The following DOK6 variants were observed in gnomAD, a reference collection of about 807,000 sequenced individuals.
DOK6 encodes downstream of tyrosine kinase 6.
Under a neutral mutation model 44.0 loss-of-function variants are expected in DOK6, and 22 were observed. The ratio of observed to expected loss-of-function variants is 0.50; its 90% confidence interval spans 0.36 to 0.71. DOK6 has a LOEUF of 0.71. Ranked by LOEUF, DOK6 falls within the 30% of genes least tolerant of loss-of-function variation. The pLI is 0.00. For synonymous variants in DOK6, 166 were observed against 145.5 expected, an observed-to-expected ratio of 1.14 and a Z score of -1.01; for missense variants, 340 against 416.4, an observed-to-expected ratio of 0.82 and a Z score of 1.60.
At chr18:69,469,100 T>A (rs1980012515) in intron 1 of DOK6, among the ~76,000 whole-genome samples, 3 of 152,216 alleles carry the variant, frequency 2.0e-5, no homozygotes, top group African/African-American at 7.2e-5. Flanking sequence ...ATGACTTTGA[T>A]ATTGCTGATA....
intron 1 of DOK6, among the ~76,000 whole-genome samples, chr18:69,468,964 G>A (rs1218889134): frequency 6.6e-6 from 1 of 152,222 alleles, no homozygotes; most frequent in African/African-American, 2.4e-5. Flanking sequence ...TGACTACTTG[G>A]ATATTTGGGA....
At chr18:69,549,518 C>T (rs916080208) in intron 1 of DOK6, among the ~76,000 whole-genome samples, 1 of 151,580 alleles carries the variant, frequency 6.6e-6, no homozygotes, top group African/African-American at 2.4e-5. Context: ...TAATCCATTA[C>T]CCCATTTGTC....
At chr18:69,784,091 T>C (rs1980359301) in intron 7 of DOK6, among the ~76,000 whole-genome samples, 1 of 152,200 alleles carries the variant, frequency 6.6e-6, no homozygotes, top group South Asian at 2.1e-4. Flanking sequence ...GGAAGCTGAG[T>C]GGTGGGAGGA....
intron 5 of DOK6, among the ~76,000 whole-genome samples, chr18:69,716,692 CAAA>C (rs11351701): frequency 0.11 from 11,860 of 104,972 alleles, 327 homozygotes; most frequent in Non-Finnish European, 0.14. Flanking sequence ...GCAGAATTGA[CAAA>C]AAAAAAAAAA....
intron 4 of DOK6, among the ~76,000 whole-genome samples, chr18:69,697,173 T>C (rs1986407644): frequency 6.6e-6 from 1 of 152,194 alleles, no homozygotes. Context: ...GTAAAATATC[T>C]GCCAGAGAGA....
intron 1 of DOK6, among the ~76,000 whole-genome samples, chr18:69,460,053 A>G (rs1448009075): frequency 1.3e-5 from 2 of 152,172 alleles, no homozygotes; most frequent in Non-Finnish European, 2.9e-5. Flanking sequence ...GTGAGAGCTT[A>G]TTTAAGCTGA....
chr18:69,512,924 T>C (rs982982431), intron 1 of DOK6, among the ~76,000 whole-genome samples: 3 of 152,226 alleles, frequency 2.0e-5, no homozygotes, highest in Non-Finnish European at 4.4e-5. Flanking sequence ...TAAAATCTGG[T>C]ATTCCAGATG....
At chr18:69,433,601 G>A (rs960476966) in intron 1 of DOK6, among the ~76,000 whole-genome samples, 1 of 152,014 alleles carries the variant, frequency 6.6e-6, no homozygotes, top group Admixed American at 6.5e-5. Context: ...GAAGAATTCA[G>A]GACAGTGAGA....
At chr18:69,725,650 G>A (rs528929422) in intron 5 of DOK6, among the ~76,000 whole-genome samples, 1 of 152,146 alleles carries the variant, frequency 6.6e-6, no homozygotes, top group African/African-American at 2.4e-5. Flanking sequence ...ACCACATCCA[G>A]CCAATTTTTG....
At chr18:69,609,395 T>C (rs1488973952) in intron 3 of DOK6, among the ~76,000 whole-genome samples, 4 of 152,074 alleles carry the variant, frequency 2.6e-5, no homozygotes, top group African/African-American at 4.8e-5. Flanking sequence ...AAAGGTGCTC[T>C]GAACATAACA....
At chr18:69,498,307 G>A (rs1980951274) in intron 1 of DOK6, among the ~76,000 whole-genome samples, 1 of 151,912 alleles carries the variant, frequency 6.6e-6, no homozygotes, top group African/African-American at 2.4e-5. Context: ...TTGTAGTATT[G>A]AAACAAAATA....
intron 7 of DOK6, among the ~76,000 whole-genome samples, chr18:69,789,106 A>T (rs563367928): frequency 3.6e-4 from 55 of 152,298 alleles, no homozygotes; most frequent in Middle Eastern, 3.4e-3. Flanking sequence ...CATGTATTTG[A>T]GTTACAAACA....
intron 2 of DOK6, among the ~76,000 whole-genome samples, chr18:69,572,472 C>T (rs185639171): frequency 3.3e-5 from 5 of 152,132 alleles, no homozygotes; most frequent in Admixed American, 1.3e-4. Context: ...GTAGTCAATT[C>T]GATAAATAGT....
chr18:69,626,186 T>C (rs1290813051), intron 3 of DOK6, among the ~76,000 whole-genome samples: 2 of 152,196 alleles, frequency 1.3e-5, no homozygotes, highest in African/African-American at 2.4e-5. Flanking sequence ...CTGCTAAAAA[T>C]TGTTTAGTGA....
chr18:69,581,160 A>G (rs149856874), intron 2 of DOK6, among the ~76,000 whole-genome samples: 31 of 152,328 alleles, frequency 2.0e-4, no homozygotes, highest in East Asian at 1.7e-3. Flanking sequence ...GACATGACCT[A>G]ACTTAAGGCA....
At chr18:69,567,727 G>A (rs1300724001) in intron 2 of DOK6, among the ~76,000 whole-genome samples, 2 of 152,150 alleles carry the variant, frequency 1.3e-5, no homozygotes, top group African/African-American at 4.8e-5. Context: ...AACTCTGGAT[G>A]TCAGGTTCAA....
intron 3 of DOK6, among the ~76,000 whole-genome samples, chr18:69,655,782 A>C (rs1402740760): frequency 3.2e-5 from 2 of 62,644 alleles, no homozygotes; most frequent in African/African-American, 1.0e-4. Flanking sequence ...AAAAAAAAAA[A>C]ACAAAAGAAC....
At chr18:69,422,261 A>G (rs1978514839) in intron 1 of DOK6, among the ~76,000 whole-genome samples, 1 of 152,216 alleles carries the variant, frequency 6.6e-6, no homozygotes, top group Non-Finnish European at 1.5e-5. Flanking sequence ...TCTTTCCCAA[A>G]GAATTCCTCA....
chr18:69,844,355 A>G lies in DOK6; in HGVS notation c.*2972A>G, dbSNP rs1982301609. ...GTTGGAAGAGACCAATGATAAAGGAACCCAACGTAAGGAATAGCAGTTCTG... is the reference window on the plus strand; with the variant it reads ...GTTGGAAGAGACCAATGATAAAGGAGCCCAACGTAAGGAATAGCAGTTCTG... On this transcript the variant is annotated 3_prime_UTR_variant, in exon 8 of 8. Coordinates refer to ENST00000382713, the MANE Select transcript of DOK6 (RefSeq NM_152721.6). 6.6e-6 allele frequency: 1 copy of G among 152,128 alleles called. No homozygotes were observed. Among genetic ancestry groups the G allele is most frequent in the Non-Finnish European group, 1.5e-5 (1 of 68,018 alleles). The allele number at this position is 152,128 out of a possible 1,614,324, so 9.4% of individuals were successfully genotyped here. A position where few individuals can be genotyped will look rare whatever the true frequency, so the allele number is the denominator to read the frequency against.
Sources: allele counts gnomAD v4.1 joint callset (sites outside exome capture counted in the v4.1 genomes callset), GRCh38; gene constraint gnomAD v4.1.1; transcripts MANE v1.5; gene names NCBI Gene and HGNC (gene_info 2026-07-23, HGNC 2026-07-21).